The following USH2A variants were observed in gnomAD, a reference collection of about 807,000 sequenced individuals.
The protein encoded by USH2A is usherin.
Under a neutral mutation model 538.9 loss-of-function variants are expected in USH2A, and 443 were observed. The ratio of observed to expected loss-of-function variants is 0.82; its 90% confidence interval spans 0.76 to 0.89. USH2A has a LOEUF of 0.89. Among genes scored for constraint, USH2A ranks in the 40% least tolerant of loss-of-function variants. The pLI, the probability that USH2A is intolerant of heterozygous loss-of-function variation, is 0.00. For missense variants in USH2A, 6,633 were observed against 6,324.8 expected (o/e 1.05, Z -1.65); for synonymous variants, 2,413 against 2,273.5 (o/e 1.06, Z -1.75).
intron 69 of USH2A, among the ~76,000 whole-genome samples, chr1:215,638,332 CA>C (rs1308525668): frequency 6.6e-6 from 1 of 152,128 alleles, no homozygotes; most frequent in Non-Finnish European, 1.5e-5. Context: ...TTTAAGAGTA[CA>C]TTCTGGCCAG....
At chr1:215,943,097 A>G (rs1003469093) in intron 37 of USH2A, among the ~76,000 whole-genome samples, 5 of 152,218 alleles carry the variant, frequency 3.3e-5, no homozygotes, top group Admixed American at 2.6e-4. Context: ...AAGGAAGTAG[A>G]CCAAGCTCAG....
chr1:216,068,868 T>C (rs2031466829), intron 30 of USH2A, among the ~76,000 whole-genome samples: 1 of 152,144 alleles, frequency 6.6e-6, no homozygotes, highest in Non-Finnish European at 1.5e-5. Flanking sequence ...AAAAATGCAA[T>C]TAATATGTAC....
chr1:216,040,517 CATCTT>C (rs984967434), intron 32 of USH2A, among the ~76,000 whole-genome samples: 9 of 151,932 alleles, frequency 5.9e-5, no homozygotes, highest in Non-Finnish European at 8.8e-5. Flanking sequence ...TTTTTGGAAA[CATCTT>C]ATAAACTTCT....
At chr1:215,726,286 C>T (rs927951119) in intron 61 of USH2A, among the ~76,000 whole-genome samples, 2 of 152,060 alleles carry the variant, frequency 1.3e-5, no homozygotes, top group African/African-American at 4.8e-5. Context: ...GCTTCTAATG[C>T]TTATCATATA....
In USH2A at chr1:215,970,750, G is replaced by T. The variant is rs771354022; in HGVS notation, c.6832C>A (p.Leu2278Ile). The T allele has an allele frequency of 6.2e-7, 1 of 1,613,470 alleles. No homozygotes were observed. The highest frequency in any genetic ancestry group is 8.5e-7 in the Non-Finnish European group (1 of 1,179,584). ...NGVITSYGLY[L>I]DGILIHNSSE... The stretch of plus-strand genomic sequence containing the variant: ...GAATTGTGGATTAATATACCATCTA[G>T]ATATAATCCATAACTCGTGATAACA... The change falls in exon 36 of 72, where the codon CTA becomes ATA. Residue 2278 changes from leucine to isoleucine, a missense_variant. Physicochemically the swap from Leu to Ile is conservative, Grantham distance 5 (BLOSUM62 2). Coordinates refer to ENST00000307340, the MANE Select transcript of USH2A (RefSeq NM_206933.4).
At chr1:216,004,148 G>A (rs917556466) in intron 32 of USH2A, among the ~76,000 whole-genome samples, 1 of 152,170 alleles carries the variant, frequency 6.6e-6, no homozygotes, top group African/African-American at 2.4e-5. Context: ...TTAGACATTT[G>A]CTATGTTAGT....
At chr1:215,854,847 C>T (rs916523795) in intron 44 of USH2A, among the ~76,000 whole-genome samples, 5 of 152,146 alleles carry the variant, frequency 3.3e-5, no homozygotes, top group East Asian at 1.9e-4. Context: ...TACATGTGCT[C>T]GACAAAGAAA....
chr1:215,978,009 C>G (rs1374005029), intron 35 of USH2A, among the ~76,000 whole-genome samples: 1 of 152,092 alleles, frequency 6.6e-6, no homozygotes, highest in African/African-American at 2.4e-5. Context: ...TGCCTGTGGT[C>G]CTGGCTATTT....
chr1:215,684,488 G>A (rs957951488), intron 61 of USH2A, among the ~76,000 whole-genome samples: 1 of 152,186 alleles, frequency 6.6e-6, no homozygotes, highest in Non-Finnish European at 1.5e-5. Context: ...TCATCTTTGA[G>A]TCTATTGATC....
chr1:216,286,072 G>T (rs1388907111), intron 11 of USH2A, among the ~76,000 whole-genome samples: 1 of 152,144 alleles, frequency 6.6e-6, no homozygotes, highest in Admixed American at 6.5e-5. Flanking sequence ...CACTGTGGGG[G>T]ACTCTTGGAA....
chr1:215,629,381 G>A (rs1000264816), intron 70 of USH2A, among the ~76,000 whole-genome samples: 2 of 152,168 alleles, frequency 1.3e-5, no homozygotes, highest in East Asian at 1.9e-4. Flanking sequence ...CAAGGCAGAC[G>A]GATGATGGGT....
At chr1:215,958,647 T>A (rs1191227943) in intron 37 of USH2A, among the ~76,000 whole-genome samples, 2 of 151,994 alleles carry the variant, frequency 1.3e-5, no homozygotes, top group Non-Finnish European at 2.9e-5. Context: ...TCCTAATCGG[T>A]CTTTAAGGCA....
At chr1:216,308,812 A>T (rs891830814) in intron 9 of USH2A, among the ~76,000 whole-genome samples, 12 of 152,198 alleles carry the variant, frequency 7.9e-5, no homozygotes, top group Admixed American at 6.5e-4. Flanking sequence ...TTAATGAAAC[A>T]GTAATGTCTG....
At chr1:216,294,792 A>G (rs943532520) in intron 9 of USH2A, among the ~76,000 whole-genome samples, 1 of 151,882 alleles carries the variant, frequency 6.6e-6, no homozygotes, top group Admixed American at 6.6e-5. Flanking sequence ...CTGTTTTAGT[A>G]TTTATGTCTT....
chr1:215,839,628 T>C (rs1663620860), intron 46 of USH2A, among the ~76,000 whole-genome samples: 1 of 152,202 alleles, frequency 6.6e-6, no homozygotes, highest in South Asian at 2.1e-4. Flanking sequence ...CAGATGATTA[T>C]ATATGTTTTA....
At position 216,200,885 on chromosome 1, in the gene USH2A, A is replaced by T. The variant is rs1215711768; in HGVS notation, c.3317-764T>A. Among the ~76,000 whole-genome samples the T allele has an allele frequency of 5.3e-5, 8 of 151,940 alleles. No homozygotes were observed. In the East Asian group the frequency reaches 1.6e-3, roughly 30 times the overall value. ...TGGGGCTGTTTGCATTGGAGATGCG[A>T]GGAGGGTTCCATTAAGCAGGGGTGC... is the stretch of plus-strand genomic sequence containing the variant. On this transcript the variant is annotated intron_variant, in intron 16 of 71. Coordinates refer to ENST00000307340, the MANE Select transcript of USH2A (RefSeq NM_206933.4).
At chr1:216,180,644 T>C (rs1572025359) in intron 20 of USH2A, among the ~76,000 whole-genome samples, 1 of 152,116 alleles carries the variant, frequency 6.6e-6, no homozygotes, top group Non-Finnish European at 1.5e-5. Context: ...TTTTTGCCTA[T>C]GAAGACTGTA....
chr1:215,706,502 G>C (rs1415111745), intron 61 of USH2A, among the ~76,000 whole-genome samples: 1 of 152,148 alleles, frequency 6.6e-6, no homozygotes, highest in South Asian at 2.1e-4. Context: ...TTGAGGCTAA[G>C]ATAAAAGCTA....
At chr1:215,632,598 G>A (rs879912658) in intron 70 of USH2A, among the ~76,000 whole-genome samples, 2 of 152,060 alleles carry the variant, frequency 1.3e-5, no homozygotes, top group Non-Finnish European at 1.5e-5. Context: ...TCCTGTAACC[G>A]CACCTCACAT....
Sources: gnomAD v4.1 joint callset for allele counts (sites outside exome capture counted in the v4.1 genomes callset) on GRCh38, gnomAD v4.1.1 for gene constraint, MANE v1.5 for transcripts, NCBI Gene and HGNC (gene_info 2026-07-23, HGNC 2026-07-21) for gene names.